Variants in MS4A14 observed in about 807,000 individuals in gnomAD.
MS4A14 encodes the protein membrane-spanning 4-domains subfamily A member 14.
In MS4A14, 18 loss-of-function variants were observed where a neutral mutation model predicts 16.7. That is an observed-to-expected ratio of 1.08 (90% confidence interval 0.75 to 1.60). The LOEUF is 1.60. MS4A14 is among the 40% of genes most tolerant of loss of function. The pLI, the probability that MS4A14 is intolerant of heterozygous loss-of-function variation, is 0.00. For synonymous variants in MS4A14, 305 were observed against 289.4 expected (o/e 1.05, Z -0.55); for missense variants, 812 against 775.3 (o/e 1.05, Z -0.56).
chr11:60,398,907 C>A (rs1359094232), intron 2 of MS4A14, among the ~76,000 whole-genome samples: 1 of 152,088 alleles, frequency 6.6e-6, no homozygotes, highest in Admixed American at 6.5e-5. Flanking sequence ...ACAGACCAAC[C>A]CCTCACTTTC....
intron 4 of MS4A14, among the ~76,000 whole-genome samples, chr11:60,415,160 C>T (rs1342281534): frequency 6.6e-6 from 1 of 151,954 alleles, no homozygotes; most frequent in African/African-American, 2.4e-5. Flanking sequence ...TATAAAATGT[C>T]TCAGAAGCTT....
rs772020075 is a variant in MS4A14 at position 60,416,686 on chromosome 11, G to A, written c.1718G>A (p.Gly573Glu). Residue 573 changes from glycine to glutamate, a missense_variant, in exon 5 of 5, where the codon GGG (glycine) becomes GAG (glutamate). By Grantham distance (98) the Gly-to-Glu change is moderately conservative. Coordinates refer to ENST00000300187, the MANE Select transcript of MS4A14 (RefSeq NM_032597.5). ...DQQAEDQQAK[G>E]EQYPEGQSKD... is the part of the protein sequence containing the mutation. Reference sequence around the variant, plus strand: ...CAAGCTGAAGATCAGCAAGCCAAAGGGGAACAATACCCAGAAGGACAATCT... The same window carrying A: ...CAAGCTGAAGATCAGCAAGCCAAAGAGGAACAATACCCAGAAGGACAATCT... The A allele has an allele frequency of 6.2e-7, 1 of 1,613,726 alleles. No individual in the cohort carries two copies. The highest frequency in any genetic ancestry group is 1.1e-5 in the South Asian group (1 of 91,062).
At chr11:60,414,459 A>G (rs376146880) in intron 4 of MS4A14, among the ~76,000 whole-genome samples, 4 of 152,162 alleles carry the variant, frequency 2.6e-5, no homozygotes, top group Admixed American at 2.6e-4. Flanking sequence ...CACTTCATCA[A>G]ATAGAACAAG....
intron 4 of MS4A14, among the ~76,000 whole-genome samples, chr11:60,414,531 C>A (rs2085910641): frequency 6.6e-6 from 1 of 152,102 alleles, no homozygotes; most frequent in Non-Finnish European, 1.5e-5. Flanking sequence ...GAATAAAAAG[C>A]AGCAGGTTGT....
At chr11:60,396,931 G>A (rs920827708) in intron 1 of MS4A14, among the ~76,000 whole-genome samples, 2 of 152,240 alleles carry the variant, frequency 1.3e-5, no homozygotes, top group South Asian at 2.1e-4. Flanking sequence ...TCTCATTGAG[G>A]AAGTGACTTC....
intron 4 of MS4A14, among the ~76,000 whole-genome samples, chr11:60,412,016 C>A (rs7950677): frequency 0.071 from 10,789 of 152,026 alleles, 465 homozygotes; most frequent in East Asian, 0.18. Context: ...AGTGAGATGA[C>A]TGTGTGGGGG....
At position 60,415,517 on chromosome 11, in the gene MS4A14, G is replaced by A. The variant is rs756037904; in HGVS notation, c.549G>A (p.Val183=). Residue 183 remains valine (V), a synonymous_variant, in exon 5 of 5, where the codon GTG becomes GTA. Transcript: ENST00000300187. ...APEENDQLQF[V]LQEEFSSDDS... is the part of the protein sequence containing the mutation. ...AAGAAAATGATCAATTACAATTTGT[G>A]CTTCAAGAAGAGTTTTCCAGTGATG... is the stretch of plus-strand genomic sequence containing the variant. The A allele has an allele frequency of 6.2e-7, 1 of 1,613,604 alleles. No homozygotes were observed. The highest frequency in any genetic ancestry group is 8.5e-7 in the Non-Finnish European group (1 of 1,179,726).
At chr11:60,409,937 C>T (rs914284828) in intron 4 of MS4A14, among the ~76,000 whole-genome samples, 7 of 151,982 alleles carry the variant, frequency 4.6e-5, no homozygotes, top group Non-Finnish European at 1.0e-4. Flanking sequence ...CAGCCTCAAA[C>T]TCCTGGGCTT....
intron 2 of MS4A14, among the ~76,000 whole-genome samples, chr11:60,399,143 G>A (rs2085672756): frequency 6.6e-6 from 1 of 152,206 alleles, no homozygotes; most frequent in South Asian, 2.1e-4. Flanking sequence ...TAGACAGTTT[G>A]TCATCTAACT....
At chr11:60,413,893 T>C (rs948557665) in intron 4 of MS4A14, among the ~76,000 whole-genome samples, 1 of 152,092 alleles carries the variant, frequency 6.6e-6, no homozygotes, top group Non-Finnish European at 1.5e-5. Context: ...ACAAGAAGCA[T>C]AGATCAGAGA....
chr11:60,416,643 G>A lies in MS4A14; in HGVS notation c.1675G>A (p.Glu559Lys), dbSNP rs2085949939. Residue 559 changes from glutamate (E) to lysine (K), a missense_variant, in exon 5 of 5, where the codon GAG (glutamate) becomes AAG (lysine). By Grantham distance (56) the Glu-to-Lys change is moderately conservative (BLOSUM62 1). Transcript: ENST00000300187. Reference sequence around the variant, plus strand: ...GCAAGCTCAACTTAATCAAACTAAAGAGCAACTCCCAGATCAGCAAGCTGA... The same window carrying A: ...GCAAGCTCAACTTAATCAAACTAAAAAGCAACTCCCAGATCAGCAAGCTGA... Reference protein sequence around the residue: ...DKQAQLNQTKEQLPDQQAEDQ... With the variant: ...DKQAQLNQTKKQLPDQQAEDQ... 3 of 1,613,658 alleles carry A rather than the reference G, an allele frequency of 1.9e-6. No homozygotes were observed. Among genetic ancestry groups the A allele is most frequent in the Non-Finnish European group, 1.7e-6 (2 of 1,179,938 alleles).
chr11:60,417,509 GA>G lies in MS4A14; in HGVS notation c.*503del, dbSNP rs750145632. The G allele has an allele frequency of 5.2e-5, 8 of 153,442 alleles. No individual in the cohort carries two copies. Among genetic ancestry groups the G allele is most frequent in the Non-Finnish European group, 1.2e-4 (8 of 68,986 alleles). 9.5% of individuals were successfully genotyped at this position (153,442 alleles called of 1,614,324 possible). A position where few individuals can be genotyped will look rare whatever the true frequency, so the allele number is the denominator to read the frequency against. On this transcript the variant is annotated 3_prime_UTR_variant, in exon 5 of 5. Coordinates refer to ENST00000300187, the MANE Select transcript of MS4A14 (RefSeq NM_032597.5). ...ATCTGAAGACTCTGACTAACATGCA[GA>G]ATCTACCCAATACCACACTGCCCCC...
Position 60,415,548 on chromosome 11 carries a change from ACAAC to A in MS4A14, c.581_584del (p.Thr194LysfsTer16), listed in dbSNP as rs770991357. On this transcript the variant is annotated frameshift_variant, in exon 5 of 5. Coordinates refer to ENST00000300187, the MANE Select transcript of MS4A14 (RefSeq NM_032597.5). LOFTEE classifies it low-confidence loss of function (END_TRUNC). ...AGAAGAGTTTTCCAGTGATGATTCA[ACAAC>A]AAATGCACAATCTGTTATCTTTGGA... 6.2e-7 allele frequency: 1 copy of A among 1,613,822 alleles called. No homozygotes were observed. Among genetic ancestry groups the A allele is most frequent in the Non-Finnish European group, 8.5e-7 (1 of 1,179,808 alleles).
At chr11:60,413,873 C>T (rs148086004) in intron 4 of MS4A14, among the ~76,000 whole-genome samples, 1 of 152,032 alleles carries the variant, frequency 6.6e-6, no homozygotes. Flanking sequence ...AAGTAGGTGA[C>T]GTTATTAATA....
chr11:60,412,781 A>G (rs7940689), intron 4 of MS4A14, among the ~76,000 whole-genome samples: 102,535 of 151,768 alleles, frequency 0.68, 34,803 homozygotes, highest in Middle Eastern at 0.76. Flanking sequence ...ATCAGATAGT[A>G]TAAATCTTCC....
chr11:60,401,746 T>C (rs1261764506), intron 3 of MS4A14, among the ~76,000 whole-genome samples: 5 of 152,210 alleles, frequency 3.3e-5, no homozygotes, highest in Admixed American at 1.3e-4. Context: ...TATCTAGAGA[T>C]CTTAGTCTAT....
At position 60,416,282 on chromosome 11, in the gene MS4A14, A is replaced by C. The variant is rs764493784; in HGVS notation, c.1314A>C (p.Pro438=). 1.2e-6 allele frequency: 2 copies of C among 1,614,044 alleles called. No individual in the cohort carries two copies. Among genetic ancestry groups the C allele is most frequent in the Non-Finnish European group, 8.5e-7 (1 of 1,179,974 alleles). The change falls in exon 5 of 5, where the codon CCA becomes CCC. Residue 438 remains proline (P), a synonymous_variant. Coordinates refer to ENST00000300187, the MANE Select transcript of MS4A14 (RefSeq NM_032597.5). ...PEIQHLLQQP[P]DLQPENTEPQ... is the part of the protein sequence containing the mutation. The stretch of plus-strand genomic sequence containing the variant: ...TACAACACCTACTTCAGCAGCCCCC[A>C]GATCTTCAACCAGAAAACACTGAAC...
intron 4 of MS4A14, among the ~76,000 whole-genome samples, chr11:60,412,702 A>G (rs1274153752): frequency 6.6e-6 from 1 of 151,838 alleles, no homozygotes; most frequent in African/African-American, 2.4e-5. Flanking sequence ...GATTTTCTCT[A>G]TTGTTTTTCA....
rs2085946720 is a variant in MS4A14 at position 60,416,514 on chromosome 11, C to A, written c.1546C>A (p.His516Asn). 6.2e-7 allele frequency: 1 copy of A among 1,613,768 alleles called. No individual in the cohort carries two copies. The change falls in exon 5 of 5, where the codon CAT becomes AAT. Residue 516 changes from histidine (H) to asparagine (N), a missense_variant. Coordinates refer to ENST00000300187, the MANE Select transcript of MS4A14 (RefSeq NM_032597.5). ...CAAAGGCCAGAAATCCTCAAAGAGGCATTCCTTAGATCAGCAAAGCAAAGG... is the reference window on the plus strand; with the variant it reads ...CAAAGGCCAGAAATCCTCAAAGAGGAATTCCTTAGATCAGCAAAGCAAAGG... ...QAKGQKSSKR[H>N]SLDQQSKGWQ...
Sources: gnomAD v4.1 joint callset for allele counts (sites outside exome capture counted in the v4.1 genomes callset) on GRCh38, gnomAD v4.1.1 for gene constraint, MANE v1.5 for transcripts, NCBI Gene and HGNC (gene_info 2026-07-23, HGNC 2026-07-21) for gene names.